Variants in PRDM16 observed in about 807,000 individuals in gnomAD.
PRDM16 encodes the protein histone-lysine N-methyltransferase PRDM16.
A neutral mutation model predicts 110.6 loss-of-function variants in PRDM16; 23 were observed. The ratio of observed to expected loss-of-function variants is 0.21; its 90% CI spans 0.15 to 0.29. The LOEUF is 0.29. Ranked by LOEUF, PRDM16 falls within the 10% of genes least tolerant of loss-of-function variation. PRDM16 has a pLI of 1.00. For synonymous variants in PRDM16, 799 were observed against 781.8 expected (o/e 1.02, Z -0.37); for missense variants, 1,615 against 1,794.3 (o/e 0.90, Z 1.81).
rs888664577 is a variant in PRDM16 at position 3,201,327 on chromosome 1, C to T, written c.387+14853C>T. On this transcript the variant is annotated intron_variant, in intron 2 of 16. Transcript: ENST00000270722. The surrounding 1 kb of genome is among the most constrained non-coding windows in gnomAD (Gnocchi z 4.1). ...TTACTTCAATTGCACTGACTTGAAG[C>T]TCGCACAGAGATGAACAAGATGCAG... Among the ~76,000 whole-genome samples the T allele has an allele frequency of 6.6e-6, 1 of 152,220 alleles. No individual in the cohort carries two copies. The highest frequency in any genetic ancestry group is 6.5e-5 in the Admixed American group (1 of 15,284).
intron 1 of PRDM16, among the ~76,000 whole-genome samples, chr1:3,126,194 A>G (rs1440790514): frequency 1.3e-5 from 2 of 152,184 alleles, no homozygotes; most frequent in Non-Finnish European, 2.9e-5. Flanking sequence ...TTCCCGGCCC[A>G]GCTCCCCTGG....
rs1441589645 is a variant in PRDM16 at position 3,201,202 on chromosome 1, A to AT, written c.387+14728_387+14729insT. Among the ~76,000 whole-genome samples, 1 of 152,122 alleles carries AT rather than the reference A, an allele frequency of 6.6e-6. No homozygotes were observed. The highest frequency in any genetic ancestry group is 1.5e-5 in the Non-Finnish European group (1 of 68,014). ...AAGGGGTCTGGGCTGCATTTTGATA[A>AT]AAGCCTTCAAACTCCATTCATATGA... On this transcript the variant is annotated intron_variant, in intron 2 of 16. Coordinates refer to ENST00000270722, the MANE Select transcript of PRDM16 (RefSeq NM_022114.4). The surrounding 1 kb of genome is among the most constrained non-coding windows in gnomAD (Gnocchi z 4.1).
At chr1:3,366,964 G>A (rs4648485) in intron 3 of PRDM16, among the ~76,000 whole-genome samples, 64,078 of 151,910 alleles carry the variant, frequency 0.42, 14,273 homozygotes, top group East Asian at 0.66. Flanking sequence ...GGATGCTGAC[G>A]ACCGGTTAAA....
intron 3 of PRDM16, among the ~76,000 whole-genome samples, chr1:3,333,104 G>A (rs766647938): frequency 8.5e-5 from 13 of 152,290 alleles, no homozygotes; most frequent in East Asian, 7.7e-4. Context: ...ATATCTAGGC[G>A]TGGGATTGCA....
At chr1:3,166,966 G>C (rs1205823779) in intron 1 of PRDM16, among the ~76,000 whole-genome samples, 2 of 152,166 alleles carry the variant, frequency 1.3e-5, no homozygotes, top group Non-Finnish European at 1.5e-5. Flanking sequence ...GCACTTGCTC[G>C]AGTACGCACG....
intron 1 of PRDM16, among the ~76,000 whole-genome samples, chr1:3,097,526 A>G (rs2981872): frequency 0.56 from 85,475 of 152,126 alleles, 25,483 homozygotes; most frequent in African/African-American, 0.75. Context: ...AGCACCAGCC[A>G]ACATCACACG....
At chr1:3,095,522 G>T (rs1281945293) in intron 1 of PRDM16, among the ~76,000 whole-genome samples, 1 of 152,176 alleles carries the variant, frequency 6.6e-6, no homozygotes, top group East Asian at 1.9e-4. Flanking sequence ...AGCACTGCGT[G>T]GTGCCTCATG....
rs976395903 is a variant in PRDM16 at position 3,244,864 on chromosome 1, C to T, written c.438+727C>T. ...TTCAGCAGCCAGAACTCCTCTTCGA[C>T]GGGATATGCATTGCCTGCACGCACA... On this transcript the variant is annotated intron_variant, in intron 3 of 16. Transcript: ENST00000270722. This position sits in a 1 kb window ranked among gnomAD's most constrained non-coding sequence, Gnocchi z 4.1. Among the ~76,000 whole-genome samples, 11 of 152,178 alleles carry T rather than the reference C, an allele frequency of 7.2e-5. No individual in the cohort carries two copies. The highest frequency in any genetic ancestry group is 2.1e-4 in the South Asian group (1 of 4,830).
At chr1:3,383,897 CAGGACACACCTGCAGA>C in intron 3 of PRDM16, among the ~76,000 whole-genome samples, 1 of 150,508 alleles carries the variant, frequency 6.6e-6, no homozygotes, top group South Asian at 2.1e-4. Flanking sequence ...ACCTGCCCAC[CAGGACACACCTGCAGA>C]AGGACACACC....
rs112559307 is a variant in PRDM16 at position 3,266,969 on chromosome 1, C to T, written c.438+22832C>T. Among the ~76,000 whole-genome samples, 686 of 152,336 alleles carry T rather than the reference C, an allele frequency of 4.5e-3. 8 individuals are homozygous for T. The highest frequency in any genetic ancestry group is 5.4e-3 in the Non-Finnish European group (367 of 68,034). On this transcript the variant is annotated intron_variant, in intron 3 of 16. Coordinates refer to ENST00000270722, the MANE Select transcript of PRDM16 (RefSeq NM_022114.4). Reference sequence around the variant, plus strand: ...CTGGGATTACAGGTGTGAGCCACCGCGCCCGGCCACGTGCATTTTAGAGCC... The same window carrying T: ...CTGGGATTACAGGTGTGAGCCACCGTGCCCGGCCACGTGCATTTTAGAGCC...
intron 3 of PRDM16, among the ~76,000 whole-genome samples, chr1:3,315,582 A>C (rs1205132304): frequency 6.6e-6 from 1 of 152,146 alleles, no homozygotes; most frequent in African/African-American, 2.4e-5. Context: ...TCTTTGTTGT[A>C]CTTTTTTAAT....
At chr1:3,368,914 C>T (rs985274586) in intron 3 of PRDM16, among the ~76,000 whole-genome samples, 3 of 152,190 alleles carry the variant, frequency 2.0e-5, no homozygotes, top group East Asian at 1.9e-4. Context: ...ATTCAAATTC[C>T]GGGTAATCGG....
At chr1:3,282,864 G>A (rs534914619) in intron 3 of PRDM16, among the ~76,000 whole-genome samples, 19 of 152,298 alleles carry the variant, frequency 1.2e-4, no homozygotes, top group Admixed American at 8.5e-4. Flanking sequence ...CCAAGCTCCC[G>A]GGGTCACTCC....
intron 1 of PRDM16, among the ~76,000 whole-genome samples, chr1:3,154,065 A>G (rs1643821575): frequency 6.6e-6 from 1 of 152,110 alleles, no homozygotes; most frequent in Non-Finnish European, 1.5e-5. Context: ...CACTCTCCCA[A>G]TCTGCGGCCC....
chr1:3,098,782 T>A (rs1164498691), intron 1 of PRDM16, among the ~76,000 whole-genome samples: 1 of 152,200 alleles, frequency 6.6e-6, no homozygotes, highest in East Asian at 1.9e-4. Flanking sequence ...CCCTTGCTGC[T>A]CCAGCCCTGC....
chr1:3,289,724 G>C (rs1019527863), intron 3 of PRDM16, among the ~76,000 whole-genome samples: 2 of 152,212 alleles, frequency 1.3e-5, no homozygotes, highest in Non-Finnish European at 2.9e-5. Flanking sequence ...GGACAGCACG[G>C]ATGTGTCCAT....
At chr1:3,096,322 G>C (rs1029718002) in intron 1 of PRDM16, among the ~76,000 whole-genome samples, 7 of 152,030 alleles carry the variant, frequency 4.6e-5, no homozygotes, top group Non-Finnish European at 7.4e-5. Flanking sequence ...CCAGAACCCC[G>C]CGGGCCCCTT....
chr1:3,159,990 TCTGAAATGCAAAACTAA>T (rs1382816834), intron 1 of PRDM16, among the ~76,000 whole-genome samples: 2 of 152,388 alleles, frequency 1.3e-5, no homozygotes, highest in East Asian at 1.9e-4. Flanking sequence ...CCACCGCGTA[TCTGAAATGCAAAACTAA>T]CTTGGTGTTC....
intron 2 of PRDM16, among the ~76,000 whole-genome samples, chr1:3,218,829 C>A (rs538007400): frequency 6.6e-6 from 1 of 152,208 alleles, no homozygotes; most frequent in African/African-American, 2.4e-5. Context: ...GTGGACAACC[C>A]GAACCACGCT....
Sources: gnomAD v4.1 joint callset for allele counts (sites outside exome capture counted in the v4.1 genomes callset) on GRCh38, gnomAD v4.1.1 for gene constraint, Gnocchi (gnomAD v3.1) non-coding constraint, MANE v1.5 for transcripts, NCBI Gene and HGNC (gene_info 2026-07-23, HGNC 2026-07-21) for gene names.